Variants in ALCAM observed in about 807,000 individuals in gnomAD.
The protein encoded by ALCAM is CD166 antigen.
In ALCAM, 30 loss-of-function variants were observed where a neutral mutation model predicts 70.9. The observed-to-expected ratio is 0.42, with a 90% CI of 0.32 to 0.57. The LOEUF (loss-of-function observed/expected upper bound fraction) is 0.57, where lower values mean the gene tolerates loss of function less well. ALCAM is among the 20% of genes least tolerant of loss of function. ALCAM has a pLI of 0.11. For missense variants in ALCAM, 591 were observed against 695.1 expected (o/e 0.85, Z 1.68); for synonymous variants, 249 against 242.5 (o/e 1.03, Z -0.25).
At chr3:105,493,287 G>T (rs1373176032) in intron 1 of ALCAM, among the ~76,000 whole-genome samples, 1 of 152,086 alleles carries the variant, frequency 6.6e-6, no homozygotes, top group African/African-American at 2.4e-5. Context: ...CCATGCTTAT[G>T]TCAATAAAAT....
intron 1 of ALCAM, among the ~76,000 whole-genome samples, chr3:105,461,175 A>T (rs1239401329): frequency 2.0e-5 from 3 of 151,860 alleles, no homozygotes; most frequent in Non-Finnish European, 4.4e-5. Flanking sequence ...GTGGCTGGAC[A>T]AAAGGGTCAG....
intron 1 of ALCAM, among the ~76,000 whole-genome samples, chr3:105,405,619 A>T (rs558716376): frequency 1.6e-3 from 247 of 152,350 alleles, no homozygotes; most frequent in Non-Finnish European, 1.8e-3. Context: ...TCATCAGCAC[A>T]TGGAACATTC....
At chr3:105,446,746 C>A (rs1204180761) in intron 1 of ALCAM, among the ~76,000 whole-genome samples, 1 of 151,618 alleles carries the variant, frequency 6.6e-6, no homozygotes, top group Non-Finnish European at 1.5e-5. Flanking sequence ...GTGAAATAAG[C>A]AAGACAAAGA....
At chr3:105,495,245 T>TC (rs776382036) in intron 1 of ALCAM, among the ~76,000 whole-genome samples, 3 of 152,152 alleles carry the variant, frequency 2.0e-5, no homozygotes, top group Non-Finnish European at 2.9e-5. Context: ...ATCTGGAGCA[T>TC]CCAGAAAGTA....
chr3:105,525,477 G>C (rs1939679377), intron 3 of ALCAM: 3 of 501,930 alleles, frequency 6.0e-6, no homozygotes, highest in Non-Finnish European at 7.7e-6. Context: ...CAGTCTTTCA[G>C]TCTTTTTTAA....
intron 1 of ALCAM, among the ~76,000 whole-genome samples, chr3:105,483,596 T>G (rs1938336377): frequency 6.6e-6 from 1 of 152,072 alleles, no homozygotes. Flanking sequence ...TGAAAAAGAT[T>G]TGTGAGCAAT....
rs1044243 is a variant in ALCAM, at chr3:105,541,676, C to T, written c.902C>T (p.Thr301Met). ...AGAAGCTCAAATACTTACACACTGA[C>T]GGATGTGAGGCGCAATGCAACAGGA... The part of the protein sequence containing the change: ...GIRSSNTYTL[T>M]DVRRNATGDY... The change falls in exon 8 of 16, where the codon ACG becomes ATG. Residue 301 changes from threonine (T) to methionine (M), a missense_variant. Coordinates refer to ENST00000306107, the MANE Select transcript of ALCAM (RefSeq NM_001627.4). 0.11 allele frequency: 174,494 copies of T among 1,611,820 alleles called. 10,505 individuals carry two copies. Among genetic ancestry groups the T allele is most frequent in the Non-Finnish European group, 0.12 (145,699 of 1,178,550 alleles).
intron 1 of ALCAM, among the ~76,000 whole-genome samples, chr3:105,444,525 T>C (rs1008657044): frequency 2.6e-5 from 4 of 152,132 alleles, no homozygotes; most frequent in Admixed American, 2.6e-4. Flanking sequence ...TGCAGTGAGA[T>C]TTGGTTGGGG....
At chr3:105,372,312 G>A (rs895708934) in intron 1 of ALCAM, among the ~76,000 whole-genome samples, 1 of 151,966 alleles carries the variant, frequency 6.6e-6, no homozygotes, top group Admixed American at 6.6e-5. Context: ...ATATTTTCAT[G>A]CAGCTAATTT....
intron 1 of ALCAM, among the ~76,000 whole-genome samples, chr3:105,421,658 A>G (rs978975943): frequency 3.5e-4 from 53 of 151,588 alleles, no homozygotes; most frequent in African/African-American, 1.2e-3. Context: ...TGACCAATCC[A>G]TGGCATTCAA....
chr3:105,471,835 G>A (rs1037136926), intron 1 of ALCAM, among the ~76,000 whole-genome samples: 1 of 150,982 alleles, frequency 6.6e-6, no homozygotes, highest in Non-Finnish European at 1.5e-5. Flanking sequence ...CATTTTTCAA[G>A]AATACAGTAT....
At chr3:105,425,512 A>G (rs964919590) in intron 1 of ALCAM, among the ~76,000 whole-genome samples, 1 of 151,846 alleles carries the variant, frequency 6.6e-6, no homozygotes, top group African/African-American at 2.4e-5. Context: ...AAAATAATTT[A>G]TCACAAAAAT....
intron 1 of ALCAM, among the ~76,000 whole-genome samples, chr3:105,414,751 A>G (rs991620902): frequency 1.3e-5 from 2 of 152,116 alleles, no homozygotes; most frequent in Admixed American, 6.6e-5. Flanking sequence ...ACTTATAATT[A>G]TATTGAAGAA....
intron 1 of ALCAM, among the ~76,000 whole-genome samples, chr3:105,484,032 G>A (rs1938351527): frequency 6.6e-6 from 1 of 151,948 alleles, no homozygotes; most frequent in Non-Finnish European, 1.5e-5. Flanking sequence ...TTGATAAAAT[G>A]ATCAGAAAGC....
chr3:105,459,201 G>C (rs1937572121), intron 1 of ALCAM, among the ~76,000 whole-genome samples: 1 of 152,022 alleles, frequency 6.6e-6, no homozygotes, highest in African/African-American at 2.4e-5. Context: ...TGCATATTCT[G>C]GTGCTTCCGC....
chr3:105,432,164 TAG>T (rs1936950660), intron 1 of ALCAM, among the ~76,000 whole-genome samples: 1 of 152,176 alleles, frequency 6.6e-6, no homozygotes, highest in African/African-American at 2.4e-5. Flanking sequence ...CTCTTTCAAA[TAG>T]AGTTATTGAC....
At chr3:105,429,477 T>C (rs1936873461) in intron 1 of ALCAM, among the ~76,000 whole-genome samples, 1 of 151,952 alleles carries the variant, frequency 6.6e-6, no homozygotes, top group Non-Finnish European at 1.5e-5. Context: ...AAAATGATGT[T>C]CCACATCTAG....
chr3:105,469,965 C>T (rs1031170002), intron 1 of ALCAM, among the ~76,000 whole-genome samples: 15 of 150,730 alleles, frequency 1.0e-4, no homozygotes, highest in African/African-American at 3.6e-4. Context: ...CAGAAATAAT[C>T]ATTCTTACCT....
intron 4 of ALCAM, 83 bp from the exon 5 acceptor site, chr3:105,533,520 C>A (rs2152627204): frequency 1.7e-6 from 2 of 1,156,040 alleles, no homozygotes; most frequent in South Asian, 2.6e-5. Flanking sequence ...TGGAATAACT[C>A]TGCATTGCCT....
Sources: allele counts gnomAD v4.1 joint callset (sites outside exome capture counted in the v4.1 genomes callset), GRCh38; gene constraint gnomAD v4.1.1; transcripts MANE v1.5; gene names NCBI Gene and HGNC (gene_info 2026-07-23, HGNC 2026-07-21).